BPHL: variants seen among roughly 807,000 people sequenced by gnomAD.
The protein encoded by BPHL is serine hydrolase BPHL.
Under a neutral mutation model 31.2 loss-of-function variants are expected in BPHL, and 27 were observed. The ratio of observed to expected loss-of-function variants is 0.87; its 90% CI spans 0.64 to 1.19. The LOEUF is 1.19. Ranked by LOEUF, BPHL falls within the 50% of genes most tolerant of loss-of-function variation. The probability of loss-of-function intolerance (pLI) is 0.00; values close to 1 mark genes in which losing one functional copy is unlikely to be tolerated. For synonymous variants in BPHL, 150 were observed against 146.8 expected (o/e 1.02, Z -0.16); for missense variants, 356 against 375.7 (o/e 0.95, Z 0.43).
intron 6 of BPHL, among the ~76,000 whole-genome samples, chr6:3,147,956 A>G (rs988255696): frequency 3.9e-5 from 6 of 152,218 alleles, no homozygotes; most frequent in Admixed American, 1.3e-4. Flanking sequence ...TTCTTGTTCT[A>G]CTCAGGCTTT....
At chr6:3,136,592 C>T (rs75957683) in intron 4 of BPHL, among the ~76,000 whole-genome samples, 216 of 152,312 alleles carry the variant, frequency 1.4e-3, no homozygotes, top group Middle Eastern at 0.01. Flanking sequence ...GTCCGGGACT[C>T]TGTAGAGATT....
chr6:3,119,634 T>G (rs561831975), intron 1 of BPHL: 1 of 1,342,282 alleles, frequency 7.4e-7, no homozygotes, highest in Admixed American at 1.9e-5. Context: ...TGTTTTACTT[T>G]ATTCTCTACA....
intron 6 of BPHL, among the ~76,000 whole-genome samples, chr6:3,143,315 CA>C (rs1478145060): frequency 6.6e-6 from 1 of 152,206 alleles, no homozygotes; most frequent in Admixed American, 6.5e-5. Flanking sequence ...AAGCAAACAC[CA>C]AACTGCCTTT....
In BPHL at chr6:3,140,201, C is replaced by G; in HGVS notation, c.665-185C>G. 1 of 670,510 alleles carries G rather than the reference C, an allele frequency of 1.5e-6. No individual in the cohort carries two copies. Among genetic ancestry groups the G allele is most frequent in the Non-Finnish European group, 2.4e-6 (1 of 419,352 alleles). 41.5% of individuals were successfully genotyped at this position (670,510 alleles called of 1,614,324 possible). A position where few individuals can be genotyped will look rare whatever the true frequency, so the allele number is the denominator to read the frequency against. On this transcript the variant is annotated intron_variant, in intron 5 of 6. Transcript: ENST00000380379. This position sits in a 1 kb window ranked among gnomAD's most constrained non-coding sequence, Gnocchi z 5.2. ...CAAACAAACAAGAAACAGAGAGAAA[C>G]AGAAAAGGGAACCCAAAGAATGTTA...
intron 4 of BPHL, 137 bp downstream of exon 4, chr6:3,129,335 G>A (rs943370828): frequency 3.3e-6 from 4 of 1,203,678 alleles, no homozygotes; most frequent in Middle Eastern, 2.9e-4. Context: ...GAAGAATAAC[G>A]AGTTCTCAGA....
intron 4 of BPHL, among the ~76,000 whole-genome samples, chr6:3,132,772 C>T (rs548653616): frequency 4.6e-5 from 7 of 152,240 alleles, no homozygotes; most frequent in Admixed American, 6.5e-5. Flanking sequence ...TTGAGGCTGC[C>T]GTGATCTGTG....
In BPHL at chr6:3,118,833, C is replaced by T. The variant is rs1232084287; in HGVS notation, c.93C>T (p.Pro31=). 8 of 1,241,504 alleles carry T rather than the reference C, an allele frequency of 6.4e-6. No individual in the cohort carries two copies. Among genetic ancestry groups the T allele is most frequent in the Middle Eastern group, 2.4e-4 (1 of 4,186 alleles). The allele number at this position is 1,241,504 out of a possible 1,614,324, so 76.9% of individuals were successfully genotyped here. A position where few individuals can be genotyped will look rare whatever the true frequency, so the allele number is the denominator to read the frequency against. The change falls in exon 1 of 7, where the codon CCC becomes CCT. Residue 31 remains proline, a synonymous_variant. Transcript: ENST00000380379. Reference sequence around the variant, plus strand: ...GGATCCACGTCCCACGGGCCGGACCCGCGGCCGCGTTCGGGTAATGGCGGC... The same window carrying T: ...GGATCCACGTCCCACGGGCCGGACCTGCGGCCGCGTTCGGGTAATGGCGGC... ...KPGIHVPRAG[P]AAAFGTSVTS...
At chr6:3,133,170 CTCACAAAAG>C (rs1415941052) in intron 4 of BPHL, among the ~76,000 whole-genome samples, 1 of 152,160 alleles carries the variant, frequency 6.6e-6, no homozygotes, top group Non-Finnish European at 1.5e-5. Flanking sequence ...AAAACGGGGG[CTCACAAAAG>C]TGAGGAAACC....
In BPHL at chr6:3,152,834, T is replaced by G; in HGVS notation, c.*259T>G. ...CTGAGCCCAGGAGTTCAAGACCAGC[T>G]TGTGCAATATAGGGAGACTCCGGCT... On this transcript the variant is annotated 3_prime_UTR_variant, in exon 7 of 7. Coordinates refer to ENST00000380379, the MANE Select transcript of BPHL (RefSeq NM_004332.4). 3.0e-6 allele frequency: 1 copy of G among 334,400 alleles called. No individual in the cohort carries two copies. The allele number at this position is 334,400 out of a possible 1,614,324, so 20.7% of individuals were successfully genotyped here.
Position 3,124,033 on chromosome 6 carries a change from G to T in BPHL, c.211+273G>T, listed in dbSNP as rs1396716676. On this transcript the variant is annotated intron_variant, in intron 2 of 6. Transcript: ENST00000380379. ...CCCATAATTTGGGAGGGTGACAGGG[G>T]TCAAGGAAAGGGGTGTGGGAAGAAG... is the stretch of plus-strand genomic sequence containing the variant. The T allele has an allele frequency of 1.5e-4, 35 of 238,672 alleles. No homozygotes were observed. The Admixed American group carries it at 2.0e-3, about 14-fold the overall frequency. 14.8% of individuals were successfully genotyped at this position (238,672 alleles called of 1,614,324 possible). A position where few individuals can be genotyped will look rare whatever the true frequency, so the allele number is the denominator to read the frequency against.
chr6:3,143,446 T>A (rs966828548), intron 6 of BPHL, among the ~76,000 whole-genome samples: 3 of 152,228 alleles, frequency 2.0e-5, no homozygotes, highest in African/African-American at 7.2e-5. Flanking sequence ...AAGAATCGCT[T>A]ATTTTTATTT....
intron 2 of BPHL, 37 bp downstream of exon 2, chr6:3,123,797 G>C (rs374008038): frequency 2.7e-5 from 42 of 1,552,554 alleles, no homozygotes; most frequent in Non-Finnish European, 3.5e-5. Context: ...TTTGCATGCT[G>C]TAAAATCTAT....
At chr6:3,130,204 G>A (rs751206721) in intron 4 of BPHL, among the ~76,000 whole-genome samples, 1 of 152,180 alleles carries the variant, frequency 6.6e-6, no homozygotes, top group Admixed American at 6.5e-5. Flanking sequence ...CGTACCAATC[G>A]AGGTGGCTAG....
intron 4 of BPHL, among the ~76,000 whole-genome samples, chr6:3,136,205 T>C (rs1031335571): frequency 1.3e-5 from 2 of 152,248 alleles, no homozygotes; most frequent in African/African-American, 2.4e-5. Flanking sequence ...AGTAGAAGCA[T>C]GTGCAGGGAC....
chr6:3,144,066 T>G (rs1762253771), intron 6 of BPHL, among the ~76,000 whole-genome samples: 1 of 152,240 alleles, frequency 6.6e-6, no homozygotes, highest in African/African-American at 2.4e-5. Flanking sequence ...TATACCTTTT[T>G]TCTTCCTCTT....
intron 1 of BPHL, among the ~76,000 whole-genome samples, chr6:3,120,137 G>A (rs1360437149): frequency 1.3e-5 from 2 of 151,958 alleles, no homozygotes; most frequent in African/African-American, 2.4e-5. Context: ...AGGTTTAAGC[G>A]ATTCTCGTGG....
chr6:3,150,710 A>G (rs1762498803), intron 6 of BPHL, among the ~76,000 whole-genome samples: 1 of 152,226 alleles, frequency 6.6e-6, no homozygotes. Context: ...GCTAATATTC[A>G]TGCCCATCTA....
At chr6:3,126,321 T>C (rs770322671) in intron 2 of BPHL, among the ~76,000 whole-genome samples, 2 of 152,208 alleles carry the variant, frequency 1.3e-5, no homozygotes, top group Non-Finnish European at 2.9e-5. Flanking sequence ...CATAAATTTC[T>C]TTGCAGATAT....
At chr6:3,133,890 C>T (rs754821484) in intron 4 of BPHL, among the ~76,000 whole-genome samples, 2 of 152,212 alleles carry the variant, frequency 1.3e-5, no homozygotes, top group African/African-American at 4.8e-5. Context: ...GACTACATTA[C>T]AAGTGACAGA....
Sources: allele counts gnomAD v4.1 joint callset (sites outside exome capture counted in the v4.1 genomes callset), GRCh38; gene constraint gnomAD v4.1.1; non-coding constraint Gnocchi (gnomAD v3.1); transcripts MANE v1.5; gene names NCBI Gene and HGNC (gene_info 2026-07-23, HGNC 2026-07-21).